PPFIA4: variants seen among roughly 807,000 people sequenced by gnomAD.
PPFIA4 encodes liprin-alpha-4.
A neutral mutation model predicts 145.7 loss-of-function variants in PPFIA4; 98 were observed. The observed-to-expected ratio is 0.67, with a 90% confidence interval of 0.57 to 0.80. The LOEUF (loss-of-function observed/expected upper bound fraction) is 0.80, where lower values mean the gene tolerates loss of function less well. PPFIA4 is among the 30% of genes least tolerant of loss of function. The pLI, the probability that PPFIA4 is intolerant of heterozygous loss-of-function variation, is 0.00. For missense variants in PPFIA4, 1,457 were observed against 1,632.7 expected (o/e 0.89, Z 1.85); for synonymous variants, 628 against 649.6 (o/e 0.97, Z 0.51).
intron 27 of PPFIA4, 142 bp from the exon 28 acceptor site, chr1:203,071,550 G>C: frequency 1.6e-6 from 1 of 628,150 alleles, no homozygotes; most frequent in Non-Finnish European, 2.9e-6. Flanking sequence ...CTTCAAAAAG[G>C]TGTGTAAAGG....
At position 203,075,773 on chromosome 1, in the gene PPFIA4, G is replaced by C. The variant is rs1414136714; in HGVS notation, c.3574+16G>C. ...ATGCCTGAAGGTGAGTAACAGGCGGGCTGGGCATGGCCGAGGCCCAGCCGA... is the reference window on the plus strand; with the variant it reads ...ATGCCTGAAGGTGAGTAACAGGCGGCCTGGGCATGGCCGAGGCCCAGCCGA... On this transcript the variant is annotated intron_variant, in intron 29 of 29. Coordinates refer to ENST00000295706, the MANE Select transcript of PPFIA4 (RefSeq NM_001304331.2). The surrounding 1 kb of genome is among the most constrained non-coding windows in gnomAD (Gnocchi z 4.1). 2.2e-6 allele frequency: 3 copies of C among 1,353,952 alleles called. No homozygotes were observed. The highest frequency in any genetic ancestry group is 2.9e-6 in the Non-Finnish European group (3 of 1,047,642). 83.9% of individuals were successfully genotyped at this position (1,353,952 alleles called of 1,614,324 possible).
intron 1 of PPFIA4, among the ~76,000 whole-genome samples, chr1:203,038,259 C>A (rs1393576220): frequency 2.0e-5 from 3 of 152,190 alleles, no homozygotes; most frequent in Non-Finnish European, 2.9e-5. Context: ...CTCCAACCCC[C>A]AGGTCTCAGG....
intron 28 of PPFIA4, 83 bp downstream of exon 28, chr1:203,071,843 G>C (rs1662193582): frequency 3.3e-6 from 4 of 1,216,534 alleles, no homozygotes; most frequent in Non-Finnish European, 4.8e-6. Context: ...GCCTTCCCTG[G>C]GCTAATTGTT....
In PPFIA4 at chr1:203,068,320, T is replaced by G; in HGVS notation, c.3149-133T>G. On this transcript the variant is annotated intron_variant, in intron 26 of 29. Transcript: ENST00000295706. This position sits in a 1 kb window ranked among gnomAD's most constrained non-coding sequence, Gnocchi z 4.7. The stretch of plus-strand genomic sequence containing the variant: ...GAGGAGAGAAAGAAGATATGGAAAT[T>G]TAGGGATGGAGTGGGGGTCAGAGAG... 1 of 754,162 alleles carries G rather than the reference T, an allele frequency of 1.3e-6. No homozygotes were observed. The highest frequency in any genetic ancestry group is 1.9e-5 in the African/African-American group (1 of 53,902). 46.7% of individuals were successfully genotyped at this position (754,162 alleles called of 1,614,324 possible).
At chr1:203,052,054 C>CCCA (rs1553257087) in intron 14 of PPFIA4, among the ~76,000 whole-genome samples, 177 bp downstream of exon 14, 18 of 104,122 alleles carry the variant, frequency 1.7e-4, no homozygotes, top group Admixed American at 1.4e-3. Context: ...TGCCCCCCCC[C>CCCA]CCGCTTGCCT....
At chr1:203,059,718 C>G in intron 20 of PPFIA4, 52 bp from the exon 21 acceptor site, 1 of 1,501,728 alleles carries the variant, frequency 6.7e-7, no homozygotes, top group Admixed American at 1.8e-5. Context: ...GGAGCAAGAA[C>G]AGTTAAGGGA....
At chr1:203,041,671 A>G (rs1659702127) in intron 2 of PPFIA4, among the ~76,000 whole-genome samples, 1 of 151,998 alleles carries the variant, frequency 6.6e-6, no homozygotes. Flanking sequence ...GGGAGGGGAC[A>G]GGTATCCTGT....
In PPFIA4 at chr1:203,045,904, G is replaced by C; in HGVS notation, c.922G>C (p.Ala308Pro). 1 of 1,612,856 alleles carries C rather than the reference G, an allele frequency of 6.2e-7. No individual in the cohort carries two copies. The part of the protein sequence containing the change: ...ITTLEKRYLA[A>P]QREATSIHDL... Reference sequence around the variant, plus strand: ...TACACTGGAGAAGCGCTACCTGGCTGCTCAGCGTGAGGCAACATCCATCCA... The same window carrying C: ...TACACTGGAGAAGCGCTACCTGGCTCCTCAGCGTGAGGCAACATCCATCCA... The change falls in exon 8 of 30, where the codon GCT becomes CCT. Residue 308 changes from alanine (A) to proline (P), a missense_variant. This residue lies in a region of PPFIA4 where 463 missense variants were observed against 459.8 expected (regional missense o/e 1.01). Transcript: ENST00000295706.
intron 28 of PPFIA4, among the ~76,000 whole-genome samples, chr1:203,073,067 G>A (rs1401066854): frequency 6.6e-6 from 1 of 152,166 alleles, no homozygotes; most frequent in Non-Finnish European, 1.5e-5. Context: ...TAGAAGCTAT[G>A]TAGTCCTTCA....
chr1:203,053,889 G>A lies in PPFIA4; in HGVS notation c.1757G>A (p.Ser586Asn). 1 of 1,563,876 alleles carries A rather than the reference G, an allele frequency of 6.4e-7. No individual in the cohort carries two copies. Among genetic ancestry groups the A allele is most frequent in the Non-Finnish European group, 8.7e-7 (1 of 1,153,614 alleles). ...LVGSADVVSP[S>N]GHSDAQTLAM... ...GGCTCTGCGGATGTTGTCTCCCCCA[G>A]CGGCCACTCAGATGCCCAGACCCTG... The change falls in exon 15 of 30, where the codon AGC (serine) becomes AAC (asparagine). Residue 586 changes from serine to asparagine, a missense_variant. Coordinates refer to ENST00000295706, the MANE Select transcript of PPFIA4 (RefSeq NM_001304331.2).
intron 14 of PPFIA4, 52 bp from the exon 15 acceptor site, chr1:203,053,701 G>T: frequency 6.8e-7 from 1 of 1,479,204 alleles, no homozygotes; most frequent in Non-Finnish European, 9.2e-7. Context: ...GTCCTGCTCT[G>T]CAGTTATCTG....
Position 203,056,785 on chromosome 1 carries a change from G to T in PPFIA4, c.2242G>T (p.Ala748Ser), listed in dbSNP as rs770244758. 3 of 1,604,180 alleles carry T rather than the reference G, an allele frequency of 1.9e-6. No individual in the cohort carries two copies. In the Admixed American group the frequency reaches 5.1e-5, roughly 28 times the overall value. ...PALSQEEGKS[A>S]LEDQGSNPSS... ...CCCCTTCTGGCTGTCACCCTGTAGT[G>T]CCTTGGAGGATCAGGGCAGCAACCC... Residue 748 changes from alanine to serine, a missense_variant and splice_region_variant, in exon 19 of 30, where the codon GCC becomes TCC. Transcript: ENST00000295706.
intron 1 of PPFIA4, among the ~76,000 whole-genome samples, chr1:203,027,988 T>TAA (rs1235856607): frequency 6.6e-6 from 1 of 152,238 alleles, no homozygotes; most frequent in Non-Finnish European, 1.5e-5. Flanking sequence ...GCAGCTTGAA[T>TAA]GATTTCCCTT....
intron 13 of PPFIA4, chr1:203,051,215 G>C (rs1357754511): frequency 3.0e-6 from 3 of 985,304 alleles, no homozygotes; most frequent in South Asian, 9.4e-5. Context: ...GACAGTGTTA[G>C]GGCCTCCTAA....
In PPFIA4 at chr1:203,045,957, G is replaced by A; in HGVS notation, c.975G>A (p.Glu325=). Residue 325 remains glutamate, a synonymous_variant, in exon 8 of 30, where the codon GAG becomes GAA. Coordinates refer to ENST00000295706, the MANE Select transcript of PPFIA4 (RefSeq NM_001304331.2). ...IHDLNDKLEN[E]LANKESLHRQ... The stretch of plus-strand genomic sequence containing the variant: ...ACCTCAATGACAAGCTGGAGAATGA[G>A]CTGGCCAACAAGGAGTCCCTGCACC... 1.2e-6 allele frequency: 2 copies of A among 1,612,840 alleles called. No individual in the cohort carries two copies. The highest frequency in any genetic ancestry group is 1.7e-6 in the Non-Finnish European group (2 of 1,179,878).
In PPFIA4 at chr1:203,055,012, T is replaced by C. The variant is rs1286285105; in HGVS notation, c.1830-420T>C. ...ACCATTTTTATTATTTCTCTCATTT[T>C]TCTGTGGAACAGGGAAAACCCCACC... On this transcript the variant is annotated intron_variant, in intron 15 of 29. Transcript: ENST00000295706. This position sits in a 1 kb window ranked among gnomAD's most constrained non-coding sequence, Gnocchi z 4.8. Among the ~76,000 whole-genome samples the C allele has an allele frequency of 1.3e-5, 2 of 152,204 alleles. No homozygotes were observed. Among genetic ancestry groups the C allele is most frequent in the East Asian group, 1.9e-4 (1 of 5,192 alleles).
chr1:203,070,499 T>G (rs1442053787), intron 27 of PPFIA4, among the ~76,000 whole-genome samples: 1 of 150,756 alleles, frequency 6.6e-6, no homozygotes, highest in East Asian at 1.9e-4. Flanking sequence ...GGAGTTTTGC[T>G]TGAGCCCAGG....
intron 2 of PPFIA4, 44 bp downstream of exon 2, chr1:203,039,286 T>C (rs1230732138): frequency 1.4e-6 from 2 of 1,430,344 alleles, no homozygotes; most frequent in Non-Finnish European, 1.9e-6. Context: ...CTTTCCCTCC[T>C]CTAGCCCTGC....
chr1:203,068,670 A>T lies in PPFIA4; in HGVS notation c.3324+42A>T. 1 of 1,425,806 alleles carries T rather than the reference A, an allele frequency of 7.0e-7. No individual in the cohort carries two copies. Among genetic ancestry groups the T allele is most frequent in the Non-Finnish European group, 9.2e-7 (1 of 1,086,642 alleles). 88.3% of individuals were successfully genotyped at this position (1,425,806 alleles called of 1,614,324 possible). On this transcript the variant is annotated intron_variant, in intron 27 of 29. Coordinates refer to ENST00000295706, the MANE Select transcript of PPFIA4 (RefSeq NM_001304331.2). This position sits in a 1 kb window ranked among gnomAD's most constrained non-coding sequence, Gnocchi z 4.7. The stretch of plus-strand genomic sequence containing the variant: ...TCAGTCAACTTGAGTCTCTCCCTGT[A>T]TCCCTCACTTGCTCTCTTTCTTTCC...
Sources: allele counts gnomAD v4.1 joint callset (sites outside exome capture counted in the v4.1 genomes callset), GRCh38; gene constraint gnomAD v4.1.1; regional missense constraint gnomAD v4.1.1; non-coding constraint Gnocchi (gnomAD v3.1); transcripts MANE v1.5; gene names NCBI Gene and HGNC (gene_info 2026-07-23, HGNC 2026-07-21).